The following ADGRL3 variants were observed in gnomAD, a reference collection of about 807,000 sequenced individuals.
ADGRL3 encodes the protein adhesion G protein-coupled receptor L3, also known as calcium-independent alpha-latrotoxin receptor 3.
ADGRL3 carries 62 observed loss-of-function variants against 153.5 expected under a neutral mutation model. That is an observed-to-expected ratio of 0.40 (90% CI 0.33 to 0.50). The LOEUF (loss-of-function observed/expected upper bound fraction) is 0.50, where lower values mean the gene tolerates loss of function less well. ADGRL3 is among the 20% of genes least tolerant of loss of function. The probability of loss-of-function intolerance (pLI) is 0.47; values close to 1 mark genes in which losing one functional copy is unlikely to be tolerated. For missense variants in ADGRL3, 1,641 were observed against 1,859.4 expected (o/e 0.88, Z 2.16); for synonymous variants, 710 against 672.5 (o/e 1.06, Z -0.86).
At chr4:61,300,965 A>G (rs1008219903) in intron 1 of ADGRL3, among the ~76,000 whole-genome samples, 5 of 151,834 alleles carry the variant, frequency 3.3e-5, no homozygotes, top group Admixed American at 6.6e-5. Context: ...GGGTTTCACC[A>G]TCTTGGCCAG....
chr4:61,737,782 A>G (rs926187469), intron 8 of ADGRL3, among the ~76,000 whole-genome samples: 1 of 152,132 alleles, frequency 6.6e-6, no homozygotes, highest in African/African-American at 2.4e-5. Context: ...CCCTCTAGAT[A>G]CAAACATCAC....
intron 9 of ADGRL3, among the ~76,000 whole-genome samples, chr4:61,854,209 T>C (rs990196234): frequency 6.6e-6 from 1 of 152,162 alleles, no homozygotes; most frequent in African/African-American, 2.4e-5. Context: ...CTTTCCTCCC[T>C]CGCAGAATTG....
At chr4:61,735,054 T>C (rs1353361337) in intron 8 of ADGRL3, among the ~76,000 whole-genome samples, 2 of 152,250 alleles carry the variant, frequency 1.3e-5, no homozygotes, top group African/African-American at 4.8e-5. Context: ...TATATGCATA[T>C]CTTTTTACTG....
chr4:61,999,094 A>G (rs2099131683), intron 21 of ADGRL3, among the ~76,000 whole-genome samples: 1 of 152,170 alleles, frequency 6.6e-6, no homozygotes, highest in Non-Finnish European at 1.5e-5. Flanking sequence ...AAACCTTCCT[A>G]ATGTAAATAG....
At chr4:61,423,534 T>C (rs2097236626) in intron 2 of ADGRL3, among the ~76,000 whole-genome samples, 1 of 152,190 alleles carries the variant, frequency 6.6e-6, no homozygotes, top group Admixed American at 6.5e-5. Flanking sequence ...GATGAAGGTA[T>C]AGGGAGAATC....
chr4:61,628,348 G>T (rs1188091136), intron 5 of ADGRL3, among the ~76,000 whole-genome samples: 1 of 152,116 alleles, frequency 6.6e-6, no homozygotes, highest in Non-Finnish European at 1.5e-5. Context: ...AGCCTTGCTG[G>T]TCCTATCTAC....
chr4:61,239,868 A>C (rs915128805), intron 1 of ADGRL3, among the ~76,000 whole-genome samples: 1 of 152,230 alleles, frequency 6.6e-6, no homozygotes, highest in South Asian at 2.1e-4. Flanking sequence ...TTATTGAGAA[A>C]GAATTGGCTA....
At chr4:61,352,920 A>G (rs542067268) in intron 1 of ADGRL3, among the ~76,000 whole-genome samples, 76 of 152,312 alleles carry the variant, frequency 5.0e-4, no homozygotes, top group African/African-American at 1.8e-3. Flanking sequence ...TGAGTGATAG[A>G]TATGAATTGA....
At chr4:61,745,529 G>A (rs975375992) in intron 8 of ADGRL3, among the ~76,000 whole-genome samples, 1 of 152,168 alleles carries the variant, frequency 6.6e-6, no homozygotes, top group Non-Finnish European at 1.5e-5. Context: ...AACTCTACAA[G>A]CCAGAAGACA....
At chr4:61,637,618 C>G (rs1400188641) in intron 5 of ADGRL3, among the ~76,000 whole-genome samples, 1 of 151,960 alleles carries the variant, frequency 6.6e-6, no homozygotes, top group Non-Finnish European at 1.5e-5. Context: ...CAAAAATTAT[C>G]CAGGCGTGGT....
chr4:61,423,109 A>G (rs2097227654), intron 2 of ADGRL3, among the ~76,000 whole-genome samples: 1 of 152,162 alleles, frequency 6.6e-6, no homozygotes, highest in South Asian at 2.1e-4. Context: ...ATTTTGAGGT[A>G]AAATTATATA....
intron 8 of ADGRL3, among the ~76,000 whole-genome samples, chr4:61,760,380 G>T (rs1001611867): frequency 1.3e-5 from 2 of 152,086 alleles, no homozygotes; most frequent in Non-Finnish European, 2.9e-5. Flanking sequence ...CCCCAGTCTC[G>T]CTGCTGCCTT....
At chr4:61,632,099 C>T (rs988301821) in intron 5 of ADGRL3, among the ~76,000 whole-genome samples, 1 of 152,094 alleles carries the variant, frequency 6.6e-6, no homozygotes, top group African/African-American at 2.4e-5. Context: ...TAGGACAAGT[C>T]AATTGCTATT....
At chr4:61,948,622 TG>T (rs1429540117) in intron 17 of ADGRL3, among the ~76,000 whole-genome samples, 1 of 152,082 alleles carries the variant, frequency 6.6e-6, no homozygotes, top group South Asian at 2.1e-4. Flanking sequence ...AAGCTGGGAC[TG>T]GGGAGGCGGA....
At chr4:62,010,078 C>T (rs1581867916) in intron 21 of ADGRL3, among the ~76,000 whole-genome samples, 3 of 152,026 alleles carry the variant, frequency 2.0e-5, no homozygotes, top group Non-Finnish European at 4.4e-5. Flanking sequence ...GTTTTCACCA[C>T]CCTAGAAGCT....
intron 6 of ADGRL3, among the ~76,000 whole-genome samples, chr4:61,721,671 C>T (rs1210519945): frequency 6.6e-6 from 1 of 152,176 alleles, no homozygotes; most frequent in Non-Finnish European, 1.5e-5. Context: ...CTAACCATCA[C>T]AGTATATTTG....
At chr4:61,800,434 G>C (rs1408477910) in intron 8 of ADGRL3, among the ~76,000 whole-genome samples, 1 of 152,148 alleles carries the variant, frequency 6.6e-6, no homozygotes, top group Non-Finnish European at 1.5e-5. Context: ...ATTAGCTAAT[G>C]ATTTTCATAA....
intron 1 of ADGRL3, among the ~76,000 whole-genome samples, chr4:61,278,947 A>G (rs894241909): frequency 6.6e-6 from 1 of 152,230 alleles, no homozygotes; most frequent in African/African-American, 2.4e-5. Flanking sequence ...GCATGCAGGC[A>G]TGCCAACGCT....
chr4:61,751,406 G>A (rs183046445), intron 8 of ADGRL3, among the ~76,000 whole-genome samples: 2 of 152,142 alleles, frequency 1.3e-5, no homozygotes, highest in African/African-American at 4.8e-5. Flanking sequence ...ACACTATTAG[G>A]TACAGAGAAG....
Sources: gnomAD v4.1 joint callset for allele counts (sites outside exome capture counted in the v4.1 genomes callset) on GRCh38, gnomAD v4.1.1 for gene constraint, MANE v1.5 for transcripts, NCBI Gene and HGNC (gene_info 2026-07-23, HGNC 2026-07-21) for gene names.